Variants in SCHIP1 observed in about 807,000 individuals in gnomAD.
SCHIP1 encodes schwannomin interacting protein 1.
In SCHIP1, 8 loss-of-function variants were observed where a neutral mutation model predicts 29.7. That is an observed-to-expected ratio of 0.27 (90% CI 0.16 to 0.49). The LOEUF (loss-of-function observed/expected upper bound fraction) is 0.49, where lower values mean the gene tolerates loss of function less well. Among genes scored for constraint, SCHIP1 ranks in the 20% least tolerant of loss-of-function variants. SCHIP1 has a pLI of 0.99. For synonymous variants in SCHIP1, 76 were observed against 94.9 expected, an observed-to-expected ratio of 0.80 and a Z score of 1.16; for missense variants, 193 against 294.6, an observed-to-expected ratio of 0.66 and a Z score of 2.52.
the SCHIP1 span, among the ~76,000 whole-genome samples, chr3:159,370,651 TTCAG>T: frequency 1.3e-5 from 2 of 152,184 alleles, no homozygotes; most frequent in Non-Finnish European, 2.9e-5. Flanking sequence ...GTGAGAATCA[TTCAG>T]TCATTGGGGC....
the SCHIP1 span, among the ~76,000 whole-genome samples, chr3:159,552,295 C>G: frequency 3.9e-5 from 6 of 152,080 alleles, no homozygotes; most frequent in Non-Finnish European, 1.5e-5. Flanking sequence ...ATCCACCAGC[C>G]TCAGCCTCCT....
chr3:159,316,362 T>C, the SCHIP1 span, among the ~76,000 whole-genome samples: 2 of 152,262 alleles, frequency 1.3e-5, no homozygotes, highest in East Asian at 3.9e-4. Context: ...GAGAAAGATG[T>C]AGGGTGGGAG....
the SCHIP1 span, among the ~76,000 whole-genome samples, chr3:159,287,044 T>G: frequency 6.6e-6 from 1 of 152,172 alleles, no homozygotes; most frequent in Non-Finnish European, 1.5e-5. Context: ...TGATAGTTTC[T>G]TTTACTGTGC....
chr3:159,586,839 G>A, the SCHIP1 span, among the ~76,000 whole-genome samples: 1 of 152,092 alleles, frequency 6.6e-6, no homozygotes, highest in Non-Finnish European at 1.5e-5. Flanking sequence ...AAATACTTTA[G>A]CAGCTCTTGT....
intron 1 of SCHIP1, among the ~76,000 whole-genome samples, chr3:159,847,799 A>T (rs1362350761): frequency 6.6e-6 from 1 of 152,232 alleles, no homozygotes; most frequent in African/African-American, 2.4e-5. Flanking sequence ...TCTATACAGC[A>T]AAGTCCTTTA....
the SCHIP1 span, among the ~76,000 whole-genome samples, chr3:159,342,726 G>A: frequency 6.6e-6 from 1 of 152,116 alleles, no homozygotes; most frequent in Non-Finnish European, 1.5e-5. Flanking sequence ...TGGCTATATT[G>A]TTTATTTTAT....
At chr3:159,697,353 C>T in the SCHIP1 span, among the ~76,000 whole-genome samples, 2 of 152,046 alleles carry the variant, frequency 1.3e-5, no homozygotes, top group East Asian at 3.9e-4. Context: ...GAGAGAGGAG[C>T]AGTTTTGACA....
the SCHIP1 span, among the ~76,000 whole-genome samples, chr3:159,317,773 A>G: frequency 5.0e-3 from 756 of 152,340 alleles, 9 homozygotes; most frequent in African/African-American, 0.017. Context: ...GAATACTATG[A>G]CAGTGGACAA....
At chr3:159,469,083 T>C in the SCHIP1 span, among the ~76,000 whole-genome samples, 27 of 151,954 alleles carry the variant, frequency 1.8e-4, no homozygotes, top group Admixed American at 1.3e-4. Flanking sequence ...AGTATTTTTA[T>C]TAAGGAAACA....
the SCHIP1 span, among the ~76,000 whole-genome samples, chr3:159,714,305 C>T: frequency 3.2e-4 from 48 of 152,276 alleles, no homozygotes; most frequent in African/African-American, 1.1e-3. Context: ...CAGTCTACAA[C>T]TCCCAGCATG....
the SCHIP1 span, among the ~76,000 whole-genome samples, chr3:159,811,971 T>G: frequency 3.9e-4 from 34 of 87,770 alleles, no homozygotes; most frequent in African/African-American, 4.9e-4. Flanking sequence ...TTTTTTTGTT[T>G]TTGTTTTTGT....
At chr3:159,799,875 C>T in the SCHIP1 span, among the ~76,000 whole-genome samples, 1 of 152,112 alleles carries the variant, frequency 6.6e-6, no homozygotes, top group Non-Finnish European at 1.5e-5. Flanking sequence ...AGTGATGCAA[C>T]AGATTTGGAT....
chr3:159,352,409 G>A, the SCHIP1 span, among the ~76,000 whole-genome samples: 2 of 152,126 alleles, frequency 1.3e-5, no homozygotes, highest in Non-Finnish European at 2.9e-5. Context: ...ACATGCAGCT[G>A]TAATAAATAA....
chr3:159,732,351 G>A, the SCHIP1 span, among the ~76,000 whole-genome samples: 1 of 152,212 alleles, frequency 6.6e-6, no homozygotes, highest in Non-Finnish European at 1.5e-5. Context: ...AGATTTGGCT[G>A]CAGACAGTCC....
chr3:159,527,825 A>T, the SCHIP1 span, among the ~76,000 whole-genome samples: 1 of 152,216 alleles, frequency 6.6e-6, no homozygotes, highest in Non-Finnish European at 1.5e-5. Context: ...TAAATCTTTC[A>T]TGCATGAAGC....
At chr3:159,864,258 G>T (rs1312901177) in intron 1 of SCHIP1, among the ~76,000 whole-genome samples, 2 of 152,084 alleles carry the variant, frequency 1.3e-5, no homozygotes, top group Non-Finnish European at 2.9e-5. Context: ...CGGAAAGGTG[G>T]TTTGCCCTAA....
At chr3:159,366,057 G>A in the SCHIP1 span, among the ~76,000 whole-genome samples, 2 of 152,180 alleles carry the variant, frequency 1.3e-5, no homozygotes, top group Non-Finnish European at 2.9e-5. Context: ...GGCTTTACAG[G>A]CTTTACAGGA....
chr3:159,500,267 A>G, the SCHIP1 span, among the ~76,000 whole-genome samples: 2 of 152,148 alleles, frequency 1.3e-5, no homozygotes, highest in East Asian at 3.9e-4. Flanking sequence ...AATACTCATG[A>G]ATCTCAGATA....
the SCHIP1 span, among the ~76,000 whole-genome samples, chr3:159,725,508 G>A: frequency 2.6e-5 from 4 of 152,032 alleles, no homozygotes; most frequent in Non-Finnish European, 5.9e-5. Context: ...CAAGGGATCC[G>A]CCTGCCTCCG....
Sources: allele counts gnomAD v4.1 joint callset (sites outside exome capture counted in the v4.1 genomes callset), GRCh38; gene constraint gnomAD v4.1.1; transcripts MANE v1.5; gene names NCBI Gene and HGNC (gene_info 2026-07-23, HGNC 2026-07-21).